Variants in RBFOX3 observed in about 807,000 individuals in gnomAD.
RBFOX3 encodes RNA binding protein fox-1 homolog 3.
Under a neutral mutation model 48.7 loss-of-function variants are expected in RBFOX3, and 17 were observed. The ratio of observed to expected loss-of-function variants is 0.35; its 90% confidence interval spans 0.24 to 0.52. The LOEUF is 0.52. RBFOX3 is among the 20% of genes least tolerant of loss of function. The probability of loss-of-function intolerance (pLI) is 0.94; values close to 1 mark genes in which losing one functional copy is unlikely to be tolerated. For synonymous variants in RBFOX3, 212 were observed against 209.5 expected (o/e 1.01, Z -0.10); for missense variants, 382 against 497.5 (o/e 0.77, Z 2.21).
intron 4 of RBFOX3, among the ~76,000 whole-genome samples, chr17:79,177,737 T>A (rs191607039): frequency 3.2e-4 from 48 of 152,250 alleles, no homozygotes; most frequent in Middle Eastern, 3.4e-3. Context: ...TTACTAGTAG[T>A]TCCTGGGAAC....
At chr17:79,228,533 T>C (rs931680078) in intron 4 of RBFOX3, among the ~76,000 whole-genome samples, 8 of 152,194 alleles carry the variant, frequency 5.3e-5, no homozygotes, top group African/African-American at 1.4e-4. Context: ...GCTTCTTTCA[T>C]GGGTAGCACA....
chr17:79,276,495 G>A (rs2068857532), intron 3 of RBFOX3, among the ~76,000 whole-genome samples: 2 of 152,168 alleles, frequency 1.3e-5, no homozygotes, highest in Admixed American at 1.3e-4. Context: ...AGACCAGCCT[G>A]TGCAACATGG....
At chr17:79,460,940 C>CT (rs1172953783) in intron 2 of RBFOX3, among the ~76,000 whole-genome samples, 8 of 151,736 alleles carry the variant, frequency 5.3e-5, no homozygotes, top group African/African-American at 1.2e-4. Flanking sequence ...AAAACAGTGT[C>CT]TTTTTTTTTA....
intron 3 of RBFOX3, among the ~76,000 whole-genome samples, chr17:79,277,508 C>T (rs964126529): frequency 2.0e-5 from 3 of 152,182 alleles, no homozygotes; most frequent in Non-Finnish European, 4.4e-5. Flanking sequence ...CTCAGTTCCC[C>T]GAAACACCAT....
intron 3 of RBFOX3, among the ~76,000 whole-genome samples, chr17:79,244,413 T>G (rs926232013): frequency 1.3e-5 from 2 of 152,232 alleles, no homozygotes; most frequent in Non-Finnish European, 2.9e-5. Context: ...AGTAAGAGAA[T>G]AAACTTCTGT....
intron 4 of RBFOX3, among the ~76,000 whole-genome samples, chr17:79,120,583 A>G (rs911027349): frequency 4.0e-5 from 6 of 151,180 alleles, no homozygotes; most frequent in Non-Finnish European, 8.8e-5. Context: ...GGGAGGGTGG[A>G]TAAATGAGTG....
At chr17:79,485,339 C>T (rs1390239695) in intron 1 of RBFOX3, among the ~76,000 whole-genome samples, 2 of 152,070 alleles carry the variant, frequency 1.3e-5, no homozygotes, top group African/African-American at 2.4e-5. Flanking sequence ...CCCAGCCTGG[C>T]AGCCAGTCCA....
intron 2 of RBFOX3, among the ~76,000 whole-genome samples, chr17:79,325,529 G>C (rs1029972314): frequency 2.0e-5 from 3 of 152,124 alleles, no homozygotes; most frequent in Non-Finnish European, 4.4e-5. Flanking sequence ...ACCCGATAGA[G>C]ACTTGTCCTT....
intron 2 of RBFOX3, among the ~76,000 whole-genome samples, chr17:79,342,797 A>C (rs535206475): frequency 1.3e-5 from 2 of 152,372 alleles, no homozygotes; most frequent in East Asian, 3.9e-4. Context: ...GCTCTCAATA[A>C]GAAAATCTGC....
chr17:79,091,772 C>T (rs1051656145), intron 14 of RBFOX3, among the ~76,000 whole-genome samples: 4 of 152,218 alleles, frequency 2.6e-5, no homozygotes, highest in Non-Finnish European at 5.9e-5. Context: ...AACCCCCTTG[C>T]AAGGCTGGCC....
Position 79,362,032 on chromosome 17 carries a change from A to G in RBFOX3, c.-174-54208T>C, listed in dbSNP as rs758670615. ...TAAATAATACAGCTGCCTTGGACGA[A>G]TGTTCCCTGCCTGCTGCGTATTTAC... On this transcript the variant is annotated intron_variant, in intron 2 of 14. Transcript: ENST00000693108. This position sits in a 1 kb window ranked among gnomAD's most constrained non-coding sequence, Gnocchi z 4.2. 9.9e-5 allele frequency among the ~76,000 whole-genome samples: 15 copies of G among 152,158 alleles called. No individual in the cohort carries two copies. Among genetic ancestry groups the G allele is most frequent in the Non-Finnish European group, 1.9e-4 (13 of 68,036 alleles).
In RBFOX3 at chr17:79,275,306, G is replaced by T. The variant is rs191508670; in HGVS notation, c.-74+32418C>A. ...TGCACTCCAGCTGTCCCTGTGTCTG[G>T]TTTTCTCTGTCCCTGATGTCACCGG... On this transcript the variant is annotated intron_variant, in intron 3 of 14. Transcript: ENST00000693108. Among the ~76,000 whole-genome samples, 433 of 152,054 alleles carry T rather than the reference G, an allele frequency of 2.8e-3. 4 individuals are homozygous for T. Among genetic ancestry groups the T allele is most frequent in the Middle Eastern group, 0.01 (3 of 294 alleles).
chr17:79,209,108 C>G (rs1236251754), intron 4 of RBFOX3, among the ~76,000 whole-genome samples: 4 of 152,204 alleles, frequency 2.6e-5, no homozygotes. Context: ...CGTGAGCCAC[C>G]ACGCCCGGCC....
intron 2 of RBFOX3, among the ~76,000 whole-genome samples, chr17:79,430,008 C>A (rs1555727587): frequency 6.6e-6 from 1 of 152,124 alleles, no homozygotes; most frequent in Non-Finnish European, 1.5e-5. Context: ...AGAGTCCAGG[C>A]AGGGGGCTGC....
rs1568207773 is a variant in RBFOX3 at position 79,138,942 on chromosome 17, C to CCCTCA, written c.-33-23195_-33-23194insTGAGG. On this transcript the variant is annotated intron_variant, in intron 4 of 14. Transcript: ENST00000693108. ...CACGCACACAGCACATGCATTCACA[C>CCCTCA]CCCCCTCAGCCCCACACATGCACAC... Among the ~76,000 whole-genome samples, 240 of 50,304 alleles carry CCCTCA rather than the reference C, an allele frequency of 4.8e-3. 1 individual carries two copies. The highest frequency in any genetic ancestry group is 0.017 in the African/African-American group (233 of 13,844). 33.0% of individuals were successfully genotyped at this position (50,304 alleles called of 152,430 possible).
intron 1 of RBFOX3, among the ~76,000 whole-genome samples, chr17:79,557,765 C>G (rs1349248352): frequency 6.6e-6 from 1 of 152,166 alleles, no homozygotes; most frequent in East Asian, 1.9e-4. Flanking sequence ...ATCGGGCAGG[C>G]GGGGGCATCT....
At chr17:79,160,245 C>T (rs1275635099) in intron 4 of RBFOX3, among the ~76,000 whole-genome samples, 2 of 152,040 alleles carry the variant, frequency 1.3e-5, no homozygotes, top group African/African-American at 4.8e-5. Context: ...TGGCCTGGAG[C>T]CAGGGCTGAC....
At chr17:79,128,624 G>C (rs1313358656) in intron 4 of RBFOX3, among the ~76,000 whole-genome samples, 1 of 152,206 alleles carries the variant, frequency 6.6e-6, no homozygotes, top group Non-Finnish European at 1.5e-5. Flanking sequence ...TGCCGGATGA[G>C]AGCAGAGGCC....
chr17:79,497,753 C>A (rs1388299452), intron 1 of RBFOX3, among the ~76,000 whole-genome samples: 1 of 152,218 alleles, frequency 6.6e-6, no homozygotes, highest in African/African-American at 2.4e-5. Flanking sequence ...AGGTGTGCAC[C>A]TTACAGCAAC....
Sources: allele counts gnomAD v4.1 joint callset (sites outside exome capture counted in the v4.1 genomes callset), GRCh38; gene constraint gnomAD v4.1.1; non-coding constraint Gnocchi (gnomAD v3.1); transcripts MANE v1.5; gene names NCBI Gene and HGNC (gene_info 2026-07-23, HGNC 2026-07-21).